The following SYN3 variants were observed in gnomAD, a reference collection of about 807,000 sequenced individuals.
SYN3 encodes synapsin-3.
A neutral mutation model predicts 65.8 loss-of-function variants in SYN3; 35 were observed. The ratio of observed to expected loss-of-function variants is 0.53; its 90% confidence interval spans 0.41 to 0.70. SYN3 has a LOEUF of 0.70. SYN3 is among the 30% of genes least tolerant of loss of function. The probability of loss-of-function intolerance (pLI) is 0.00; values close to 1 mark genes in which losing one functional copy is unlikely to be tolerated. For missense variants in SYN3, 680 were observed against 749.0 expected (o/e 0.91, Z 1.08); for synonymous variants, 270 against 292.9 (o/e 0.92, Z 0.80).
chr22:33,040,556 T>G (rs1010910191), intron 1 of SYN3, among the ~76,000 whole-genome samples: 4 of 152,166 alleles, frequency 2.6e-5, no homozygotes, highest in African/African-American at 9.7e-5. Context: ...ACACTACAGT[T>G]GCTCCTCGAT....
intron 6 of SYN3, among the ~76,000 whole-genome samples, chr22:32,719,319 C>A (rs985196675): frequency 1.3e-5 from 2 of 152,202 alleles, no homozygotes; most frequent in Non-Finnish European, 2.9e-5. Flanking sequence ...ATGCAAGAAC[C>A]AAACTCTTTT....
chr22:32,562,934 C>G (rs1243502725), intron 7 of SYN3, among the ~76,000 whole-genome samples: 2 of 152,252 alleles, frequency 1.3e-5, no homozygotes, highest in Admixed American at 1.3e-4. Flanking sequence ...AACTCCAGTT[C>G]CAGCTGGGAA....
chr22:32,767,803 T>C (rs1048186325), intron 6 of SYN3, among the ~76,000 whole-genome samples: 11 of 152,230 alleles, frequency 7.2e-5, no homozygotes, highest in Non-Finnish European at 1.2e-4. Context: ...ATCATTCATC[T>C]TTCTAGGACT....
chr22:32,665,322 T>G (rs1311540532), intron 6 of SYN3, among the ~76,000 whole-genome samples: 2 of 148,320 alleles, frequency 1.3e-5, no homozygotes, highest in Non-Finnish European at 3.0e-5. Context: ...TATTATGCCT[T>G]GGCATCCTCA....
At chr22:32,718,125 G>C (rs764073120) in intron 6 of SYN3, among the ~76,000 whole-genome samples, 6 of 152,128 alleles carry the variant, frequency 3.9e-5, no homozygotes, top group Non-Finnish European at 7.4e-5. Context: ...GGAGCAGGGT[G>C]GGGTGGAGAT....
intron 1 of SYN3, among the ~76,000 whole-genome samples, chr22:33,018,491 T>C (rs2053507526): frequency 6.6e-6 from 1 of 152,034 alleles, no homozygotes; most frequent in Non-Finnish European, 1.5e-5. Flanking sequence ...ATAAGGCAAG[T>C]TTGCAAGCTT....
chr22:32,514,432 T>G (rs2146046958), intron 13 of SYN3: 1 of 152,398 alleles, frequency 6.6e-6, no homozygotes, highest in Non-Finnish European at 1.5e-5. Flanking sequence ...CCATCTCTTC[T>G]CCAATGTCTT....
At chr22:33,044,841 C>A (rs1014088096) in intron 1 of SYN3, among the ~76,000 whole-genome samples, 9 of 146,312 alleles carry the variant, frequency 6.2e-5, no homozygotes, top group African/African-American at 1.7e-4. Flanking sequence ...CCAGATGATT[C>A]TTCTTTTTTT....
chr22:32,736,341 G>A (rs2061336434), intron 6 of SYN3, among the ~76,000 whole-genome samples: 2 of 152,210 alleles, frequency 1.3e-5, no homozygotes, highest in African/African-American at 4.8e-5. Flanking sequence ...ATATAAAAGT[G>A]CAATTATGTG....
At chr22:32,921,722 C>A (rs1440296498) in intron 4 of SYN3, among the ~76,000 whole-genome samples, 3 of 152,178 alleles carry the variant, frequency 2.0e-5, no homozygotes, top group African/African-American at 7.2e-5. Context: ...TATTATTACA[C>A]ACTTAATTTA....
At chr22:32,910,109 A>G (rs2050014161) in intron 4 of SYN3, among the ~76,000 whole-genome samples, 1 of 151,652 alleles carries the variant, frequency 6.6e-6, no homozygotes, top group Non-Finnish European at 1.5e-5. Context: ...ACAGTCTCCA[A>G]CTCACTCTGT....
At chr22:32,765,031 C>T (rs1023004417) in intron 6 of SYN3, among the ~76,000 whole-genome samples, 25 of 152,000 alleles carry the variant, frequency 1.6e-4, no homozygotes, top group Non-Finnish European at 2.9e-4. Flanking sequence ...CCACCCCACC[C>T]CACTGTCCAG....
intron 1 of SYN3, chr22:33,015,242 A>AT (rs56343315): frequency 0.29 from 61,519 of 214,900 alleles, 13,162 homozygotes; most frequent in African/African-American, 0.45. Flanking sequence ...AAAAAAAAAA[A>AT]CTACTGTATC....
rs902845757 is a variant in SYN3 at position 32,513,289 on chromosome 22, G to A, written c.*403C>T. 8 of 171,418 alleles carry A rather than the reference G, an allele frequency of 4.7e-5. No individual in the cohort carries two copies. The highest frequency in any genetic ancestry group is 1.8e-4 in the Admixed American group (3 of 17,090). 10.6% of individuals were successfully genotyped at this position (171,418 alleles called of 1,614,324 possible). A position where few individuals can be genotyped will look rare whatever the true frequency, so the allele number is the denominator to read the frequency against. Reference sequence around the variant, plus strand: ...GCTGAGGTCTGACTACAGTGTCTGCGTTTGATGGAGGTGGGGCAAGGCCTA... The same window carrying A: ...GCTGAGGTCTGACTACAGTGTCTGCATTTGATGGAGGTGGGGCAAGGCCTA... On this transcript the variant is annotated 3_prime_UTR_variant, in exon 14 of 14. Coordinates refer to ENST00000358763, the MANE Select transcript of SYN3 (RefSeq NM_003490.4).
chr22:32,782,159 C>T (rs534091596), intron 6 of SYN3, among the ~76,000 whole-genome samples: 254 of 151,960 alleles, frequency 1.7e-3, no homozygotes, highest in African/African-American at 5.7e-3. Flanking sequence ...AACTCTGCCT[C>T]CTGGTTTCAA....
intron 6 of SYN3, among the ~76,000 whole-genome samples, chr22:32,718,733 A>G (rs1379344325): frequency 6.6e-6 from 1 of 152,186 alleles, no homozygotes; most frequent in African/African-American, 2.4e-5. Context: ...GTTTAACATA[A>G]CTTTAGACAC....
chr22:32,711,578 T>C (rs1484167936), intron 6 of SYN3, among the ~76,000 whole-genome samples: 2 of 152,128 alleles, frequency 1.3e-5, no homozygotes, highest in Non-Finnish European at 2.9e-5. Flanking sequence ...ATCCCAAGGC[T>C]CTCTTGCTGT....
chr22:32,913,609 C>T (rs528078525), intron 4 of SYN3, among the ~76,000 whole-genome samples: 2 of 152,182 alleles, frequency 1.3e-5, no homozygotes, highest in South Asian at 4.2e-4. Context: ...TATAGAAGCT[C>T]TGAGAGCTTC....
rs140652194 is a variant in SYN3, at chr22:32,914,375, C to T, written c.461+17015G>A. 5.5e-3 allele frequency among the ~76,000 whole-genome samples: 836 copies of T among 151,854 alleles called. 5 individuals are homozygous for T. The highest frequency in any genetic ancestry group is 0.024 in the East Asian group (126 of 5,148). On this transcript the variant is annotated intron_variant, in intron 4 of 13. Coordinates refer to ENST00000358763, the MANE Select transcript of SYN3 (RefSeq NM_003490.4). ...GGGTAACCTCAGGCAAGTTATTTGGCTACTCTGTGACTCAGTTTCCCCATC... is the reference window on the plus strand; with the variant it reads ...GGGTAACCTCAGGCAAGTTATTTGGTTACTCTGTGACTCAGTTTCCCCATC...
Sources: gnomAD v4.1 joint callset for allele counts (sites outside exome capture counted in the v4.1 genomes callset) on GRCh38, gnomAD v4.1.1 for gene constraint, MANE v1.5 for transcripts, NCBI Gene and HGNC (gene_info 2026-07-23, HGNC 2026-07-21) for gene names.